The following NRXN3 variants were observed in gnomAD, a reference collection of about 807,000 sequenced individuals.
NRXN3 encodes the protein neurexin 3, also known as neurexin III.
A neutral mutation model predicts 137.6 loss-of-function variants in NRXN3; 32 were observed. The observed-to-expected ratio is 0.23, with a 90% confidence interval of 0.18 to 0.31. NRXN3 has a LOEUF of 0.31. Among genes scored for constraint, NRXN3 ranks in the 10% least tolerant of loss-of-function variants. The pLI, the probability that NRXN3 is intolerant of heterozygous loss-of-function variation, is 1.00. For missense variants in NRXN3, 1,574 were observed against 2,062.5 expected (o/e 0.76, Z 4.59); for synonymous variants, 798 against 784.5 (o/e 1.02, Z -0.29).
intron 16 of NRXN3, among the ~76,000 whole-genome samples, chr14:79,505,346 T>G (rs2096868011): frequency 6.6e-6 from 1 of 152,044 alleles, no homozygotes; most frequent in African/African-American, 2.4e-5. Context: ...AGGGTTAGGG[T>G]TGTCATTCTG....
chr14:78,298,012 GGGGTGGGGGCACCT>G, intron 4 of NRXN3, 152 bp downstream of exon 4: 1 of 776,234 alleles, frequency 1.3e-6, no homozygotes, highest in East Asian at 2.8e-5. Flanking sequence ...CCCTGCAGTG[GGGGTGGGGGCACCT>G]TCCTTGATGC....
intron 4 of NRXN3, among the ~76,000 whole-genome samples, chr14:78,355,808 A>G (rs913301773): frequency 2.0e-5 from 3 of 152,190 alleles, no homozygotes; most frequent in Non-Finnish European, 4.4e-5. Context: ...TCATTTATCA[A>G]TCTTTAATAC....
chr14:78,860,345 A>G (rs887562912), intron 10 of NRXN3, among the ~76,000 whole-genome samples: 6 of 152,160 alleles, frequency 3.9e-5, no homozygotes, highest in African/African-American at 1.4e-4. Context: ...TAAATTCAGC[A>G]TTCAAGTTCA....
chr14:79,735,649 G>A (rs1046311114), intron 19 of NRXN3, among the ~76,000 whole-genome samples: 2 of 152,126 alleles, frequency 1.3e-5, no homozygotes, highest in Admixed American at 6.6e-5. Flanking sequence ...TAGTGTATAA[G>A]CAGAAGAAAA....
intron 1 of NRXN3, among the ~76,000 whole-genome samples, chr14:78,210,608 G>C (rs371219245): frequency 6.6e-6 from 1 of 151,772 alleles, no homozygotes; most frequent in Non-Finnish European, 1.5e-5. Context: ...AACAAACACC[G>C]TAGTCAAGAT....
Position 79,731,823 on chromosome 14 carries a change from AT to A in NRXN3, c.4014+33897del, listed in dbSNP as rs1160115956. 2.3e-3 allele frequency among the ~76,000 whole-genome samples: 338 copies of A among 144,846 alleles called. 2 individuals carry two copies. Among genetic ancestry groups the A allele is most frequent in the Middle Eastern group, 7.1e-3 (2 of 280 alleles). ...TTTAAATTAGAATTTTTTATTTTTT[AT>A]TTTTTTTTTTAATTTTTTTTTTGGT... is the stretch of plus-strand genomic sequence containing the variant. On this transcript the variant is annotated intron_variant, in intron 19 of 20. Transcript: ENST00000335750.
intron 20 of NRXN3, among the ~76,000 whole-genome samples, chr14:79,843,887 C>A (rs2099361483): frequency 6.6e-6 from 1 of 152,082 alleles, no homozygotes; most frequent in Non-Finnish European, 1.5e-5. Flanking sequence ...AATATATAGT[C>A]TTTTATCCCT....
intron 10 of NRXN3, among the ~76,000 whole-genome samples, chr14:78,810,775 A>C (rs966448229): frequency 6.6e-6 from 1 of 152,074 alleles, no homozygotes; most frequent in Non-Finnish European, 1.5e-5. Context: ...GTGGCTGCCA[A>C]CTCTGACATT....
chr14:79,223,683 T>C (rs1009297505), intron 15 of NRXN3, among the ~76,000 whole-genome samples: 3 of 152,170 alleles, frequency 2.0e-5, no homozygotes, highest in Non-Finnish European at 4.4e-5. Context: ...GCTGGCTCCC[T>C]GCTCCCTTCA....
In NRXN3 at chr14:78,518,940, G is replaced by A. The variant is rs2096249635; in HGVS notation, c.758-126180G>A. The stretch of plus-strand genomic sequence containing the variant: ...TTCTGCTCCCCTGGAATCTAGTATT[G>A]AGGAAAAATAACCTTAATCAGGAAC... On this transcript the variant is annotated intron_variant, in intron 4 of 20. Transcript: ENST00000335750. 3.3e-5 allele frequency among the ~76,000 whole-genome samples: 5 copies of A among 152,128 alleles called. No homozygotes were observed. In the South Asian group the frequency reaches 1.0e-3, roughly 32 times the overall value.
intron 1 of NRXN3, among the ~76,000 whole-genome samples, chr14:78,216,741 A>G (rs2063325810): frequency 6.6e-6 from 1 of 152,254 alleles, no homozygotes; most frequent in Admixed American, 6.5e-5. Context: ...TCTGGAGGCC[A>G]GAAGTCTGAA....
intron 20 of NRXN3, among the ~76,000 whole-genome samples, chr14:79,821,442 A>G (rs1383418231): frequency 6.6e-6 from 1 of 152,212 alleles, no homozygotes; most frequent in East Asian, 1.9e-4. Context: ...AGGCATCCAA[A>G]TGAAACATTT....
intron 16 of NRXN3, among the ~76,000 whole-genome samples, chr14:79,626,035 T>C (rs2098278347): frequency 2.6e-5 from 4 of 152,208 alleles, no homozygotes; most frequent in Admixed American, 1.3e-4. Flanking sequence ...ATAAACAGTT[T>C]AATTACTTAT....
chr14:78,179,853 T>TTTC (rs2059656098), intron 1 of NRXN3, among the ~76,000 whole-genome samples: 1 of 149,954 alleles, frequency 6.7e-6, no homozygotes, highest in Admixed American at 6.6e-5. Flanking sequence ...TTTTTTTTTT[T>TTTC]TTCTTGTTTT....
intron 4 of NRXN3, among the ~76,000 whole-genome samples, chr14:78,410,571 C>T (rs1182358545): frequency 2.0e-5 from 3 of 152,124 alleles, no homozygotes; most frequent in Non-Finnish European, 4.4e-5. Context: ...TTTGGTCCTA[C>T]AGATGGTGTT....
chr14:79,258,863 T>A (rs1390673214), intron 15 of NRXN3, among the ~76,000 whole-genome samples: 1 of 152,198 alleles, frequency 6.6e-6, no homozygotes, highest in African/African-American at 2.4e-5. Flanking sequence ...TGTGATTAAG[T>A]GAAGGTAGCA....
At chr14:78,281,516 G>A (rs2074406022) in intron 3 of NRXN3, among the ~76,000 whole-genome samples, 1 of 152,172 alleles carries the variant, frequency 6.6e-6, no homozygotes, top group Admixed American at 6.5e-5. Context: ...AGACAGGTTA[G>A]GGACTTGGAG....
chr14:78,758,727 G>T (rs918362836), intron 8 of NRXN3, among the ~76,000 whole-genome samples: 8 of 152,166 alleles, frequency 5.3e-5, no homozygotes. Context: ...ATGCGCTAAT[G>T]CTTTTCCCCT....
intron 19 of NRXN3, among the ~76,000 whole-genome samples, chr14:79,741,467 G>T (rs551817648): frequency 1.3e-5 from 2 of 152,046 alleles, no homozygotes; most frequent in Admixed American, 1.3e-4. Context: ...GTGTGTGTGT[G>T]TGTGTGCATG....
Sources: allele counts gnomAD v4.1 joint callset (sites outside exome capture counted in the v4.1 genomes callset), GRCh38; gene constraint gnomAD v4.1.1; transcripts MANE v1.5; gene names NCBI Gene and HGNC (gene_info 2026-07-23, HGNC 2026-07-21).